GALNT14: variants seen among roughly 807,000 people sequenced by gnomAD.
GALNT14 encodes the protein UDP-GalNAc:polypeptide N-acetylgalactosaminyltransferase 14.
Under a neutral mutation model 77.5 loss-of-function variants are expected in GALNT14, and 60 were observed. The observed-to-expected ratio is 0.77, with a 90% confidence interval of 0.63 to 0.96. GALNT14 has a LOEUF of 0.96. GALNT14 is among the 40% of genes least tolerant of loss of function. The pLI, the probability that GALNT14 is intolerant of heterozygous loss-of-function variation, is 0.00. For synonymous variants in GALNT14, 280 were observed against 281.7 expected (o/e 0.99, Z 0.06); for missense variants, 710 against 731.0 (o/e 0.97, Z 0.33).
At chr2:31,089,251 T>G (rs1676607951) in intron 1 of GALNT14, among the ~76,000 whole-genome samples, 1 of 152,166 alleles carries the variant, frequency 6.6e-6, no homozygotes, top group Non-Finnish European at 1.5e-5. Context: ...GAAGTAGGAT[T>G]TAGGCATGCT....
At chr2:31,005,292 T>G (rs1298548859) in intron 1 of GALNT14, among the ~76,000 whole-genome samples, 1 of 152,092 alleles carries the variant, frequency 6.6e-6, no homozygotes, top group African/African-American at 2.4e-5. Context: ...GGAGTGGAGA[T>G]GGGCTAAAAA....
chr2:31,021,827 A>G (rs1671739825), intron 1 of GALNT14, among the ~76,000 whole-genome samples: 1 of 152,240 alleles, frequency 6.6e-6, no homozygotes, highest in African/African-American at 2.4e-5. Flanking sequence ...GAAGGCCGGA[A>G]GTCAGAGGAC....
At chr2:31,119,544 TGAC>T (rs1327891426) in intron 1 of GALNT14, among the ~76,000 whole-genome samples, 1 of 152,192 alleles carries the variant, frequency 6.6e-6, no homozygotes, top group Non-Finnish European at 1.5e-5. Flanking sequence ...AAAACGAAAA[TGAC>T]GACATTTATA....
chr2:31,113,063 A>G (rs1276347397), intron 1 of GALNT14, among the ~76,000 whole-genome samples: 3 of 152,234 alleles, frequency 2.0e-5, no homozygotes, highest in Non-Finnish European at 4.4e-5. Context: ...AGAGAAGTAA[A>G]TGCAAGATAG....
intron 1 of GALNT14, among the ~76,000 whole-genome samples, chr2:31,049,768 C>T (rs1474310420): frequency 6.6e-6 from 1 of 152,206 alleles, no homozygotes; most frequent in Non-Finnish European, 1.5e-5. Context: ...GGGGATTCTG[C>T]TCAGCCCTTC....
intron 9 of GALNT14, among the ~76,000 whole-genome samples, chr2:30,934,854 C>T (rs1175406863): frequency 6.6e-6 from 1 of 152,178 alleles, no homozygotes; most frequent in Non-Finnish European, 1.5e-5. Context: ...CAACTCTGCC[C>T]CAAGCTCTGG....
At position 31,015,720 on chromosome 2, in the gene GALNT14, G is replaced by A. The variant is rs192854464; in HGVS notation, c.130-22713C>T. On this transcript the variant is annotated intron_variant, in intron 1 of 14. Coordinates refer to ENST00000349752, the MANE Select transcript of GALNT14 (RefSeq NM_024572.4). ...TCTGTAGTATTTTTGCCAAAAACAC[G>A]TAGCTTCAGTCTAATCTGGAGAAAA... Among the ~76,000 whole-genome samples the A allele has an allele frequency of 2.0e-5, 3 of 152,268 alleles. 1 individual carries two copies. The East Asian group carries it at 5.8e-4, about 29-fold the overall frequency.
chr2:30,891,639 G>A, the GALNT14 span, among the ~76,000 whole-genome samples: 6 of 152,046 alleles, frequency 3.9e-5, no homozygotes, highest in Non-Finnish European at 7.4e-5. Context: ...TGTTGCCCCC[G>A]CAGACAGACC....
At chr2:31,086,064 C>A (rs568430969) in intron 1 of GALNT14, among the ~76,000 whole-genome samples, 8 of 152,208 alleles carry the variant, frequency 5.3e-5, no homozygotes, top group African/African-American at 1.9e-4. Context: ...CCAGGTCCCT[C>A]CTATGACATG....
At chr2:31,098,590 T>G (rs922984869) in intron 1 of GALNT14, among the ~76,000 whole-genome samples, 3 of 152,128 alleles carry the variant, frequency 2.0e-5, no homozygotes, top group African/African-American at 7.2e-5. Context: ...TTTCCAGAAT[T>G]TCTTATACAA....
the GALNT14 span, among the ~76,000 whole-genome samples, chr2:30,901,491 TA>T: frequency 8.2e-5 from 12 of 146,626 alleles, no homozygotes; most frequent in Non-Finnish European, 3.0e-5. Context: ...ACACAACATA[TA>T]TATAATAAAT....
intron 10 of GALNT14, 118 bp from the exon 11 acceptor site, chr2:30,929,605 A>G (rs1386573294): frequency 1.8e-5 from 12 of 680,082 alleles, no homozygotes; most frequent in Non-Finnish European, 2.9e-5. Context: ...GGTGGGGGCC[A>G]CCATGGTCAA....
rs1376951826 is a variant in GALNT14 at position 30,989,611 on chromosome 2, AAT to A, written c.299+3225_299+3226del. Among the ~76,000 whole-genome samples, 19 of 119,334 alleles carry A rather than the reference AAT, an allele frequency of 1.6e-4. No individual in the cohort carries two copies. In the East Asian group the frequency reaches 5.1e-3, roughly 32 times the overall value. The allele number at this position is 119,334 out of a possible 152,430, so 78.3% of individuals were successfully genotyped here. A position where few individuals can be genotyped will look rare whatever the true frequency, so the allele number is the denominator to read the frequency against. Reference sequence around the variant, plus strand: ...ATATATATATTAGTAGATATATAAAAATATATATTAGTATATATAAAAATATA... The same window carrying A: ...ATATATATATTAGTAGATATATAAAAATATATTAGTATATATAAAAATATA... On this transcript the variant is annotated intron_variant, in intron 2 of 14. Coordinates refer to ENST00000349752, the MANE Select transcript of GALNT14 (RefSeq NM_024572.4).
chr2:31,063,164 A>ATTTTC (rs1674712303), intron 1 of GALNT14, among the ~76,000 whole-genome samples: 1 of 151,852 alleles, frequency 6.6e-6, no homozygotes, highest in Admixed American at 6.6e-5. Flanking sequence ...TATTGCCTAG[A>ATTTTC]TTTTCTTCTA....
chr2:31,026,728 G>C (rs773458395), intron 1 of GALNT14, among the ~76,000 whole-genome samples: 2 of 152,154 alleles, frequency 1.3e-5, no homozygotes, highest in African/African-American at 2.4e-5. Context: ...CACTGACCTG[G>C]GTAATCTCCA....
At chr2:31,124,643 C>A (rs1195411205) in intron 1 of GALNT14, among the ~76,000 whole-genome samples, 1 of 152,144 alleles carries the variant, frequency 6.6e-6, no homozygotes, top group Non-Finnish European at 1.5e-5. Flanking sequence ...GTTTTTGAAA[C>A]AGGGTCTCCC....
At chr2:30,945,085 T>C in intron 7 of GALNT14, 143 bp from the exon 8 acceptor site, 3 of 590,636 alleles carry the variant, frequency 5.1e-6, no homozygotes, top group Non-Finnish European at 5.5e-6. Flanking sequence ...CAGGTTTCCC[T>C]AGGCTGATCA....
intron 3 of GALNT14, among the ~76,000 whole-genome samples, chr2:30,961,480 T>C (rs1020989957): frequency 6.6e-6 from 1 of 152,188 alleles, no homozygotes; most frequent in African/African-American, 2.4e-5. Context: ...TTTCCTCAGC[T>C]GTGTGAAAGG....
chr2:31,055,658 G>A (rs536311822), intron 1 of GALNT14, among the ~76,000 whole-genome samples: 1 of 152,298 alleles, frequency 6.6e-6, no homozygotes, highest in South Asian at 2.1e-4. Context: ...AAAGGAGAGA[G>A]GATCCCCACT....
Sources: allele counts gnomAD v4.1 joint callset (sites outside exome capture counted in the v4.1 genomes callset), GRCh38; gene constraint gnomAD v4.1.1; transcripts MANE v1.5; gene names NCBI Gene and HGNC (gene_info 2026-07-23, HGNC 2026-07-21).